Variants in PTPN20 observed in about 807,000 individuals in gnomAD.
PTPN20 encodes protein tyrosine phosphatase non-receptor type 20.
PTPN20 carries 9 observed loss-of-function variants against 35.0 expected under a neutral mutation model. The observed-to-expected ratio is 0.26, with a 90% CI of 0.15 to 0.45. The LOEUF is 0.45. Ranked by LOEUF, PTPN20 falls within the 20% of genes least tolerant of loss-of-function variation. The pLI, the probability that PTPN20 is intolerant of heterozygous loss-of-function variation, is 1.00. For missense variants in PTPN20, 111 were observed against 312.5 expected (o/e 0.36, Z 4.86); for synonymous variants, 32 against 100.2 (o/e 0.32, Z 4.06).
In PTPN20 at chr10:46,947,244, T is replaced by C. The variant is rs552859125; in HGVS notation, c.340+569T>C. On this transcript the variant is annotated intron_variant, in intron 5 of 10. Transcript: ENST00000374339. ...TATATATATATATATATTTATAAAA[T>C]TTGTGTTTGTAAACTTGGGGGATCA... 8.8e-3 allele frequency among the ~76,000 whole-genome samples: 1,233 copies of C among 140,336 alleles called. 14 individuals carry two copies. The highest frequency in any genetic ancestry group is 0.027 in the African/African-American group (1,057 of 39,056). The allele number at this position is 140,336 out of a possible 152,430, so 92.1% of individuals were successfully genotyped here. A position where few individuals can be genotyped will look rare whatever the true frequency, so the allele number is the denominator to read the frequency against.
At chr10:46,950,673 T>A (rs1299260447) in intron 5 of PTPN20, among the ~76,000 whole-genome samples, 1 of 151,988 alleles carries the variant, frequency 6.6e-6, no homozygotes, top group Non-Finnish European at 1.5e-5. Context: ...TAATGTATGC[T>A]AATATTTTAG....
At chr10:46,994,127 A>C (rs2058556177) in intron 9 of PTPN20, among the ~76,000 whole-genome samples, 1 of 151,600 alleles carries the variant, frequency 6.6e-6, no homozygotes, top group Admixed American at 6.6e-5. Context: ...AATTTATCCC[A>C]CTTCCTCCTG....
At chr10:46,948,331 G>A (rs2045630858) in intron 5 of PTPN20, among the ~76,000 whole-genome samples, 1 of 150,082 alleles carries the variant, frequency 6.7e-6, no homozygotes, top group Non-Finnish European at 1.5e-5. Context: ...ATGGGTTGTT[G>A]CTGATATTTT....
At chr10:46,925,733 C>T (rs1281108080) in intron 1 of PTPN20, among the ~76,000 whole-genome samples, 1 of 151,326 alleles carries the variant, frequency 6.6e-6, no homozygotes, top group Non-Finnish European at 1.5e-5. Flanking sequence ...TCAGTTCAGA[C>T]AAGAATATTA....
intron 7 of PTPN20, among the ~76,000 whole-genome samples, chr10:46,983,567 T>C (rs1473241712): frequency 2.2e-5 from 3 of 135,726 alleles, no homozygotes; most frequent in African/African-American, 8.7e-5. Context: ...GTTTTCCCTC[T>C]CATATTTGTT....
Position 47,001,096 on chromosome 10 carries a change from G to T in PTPN20, c.*355G>T, listed in dbSNP as rs975120166. The T allele has an allele frequency of 7.1e-5, 21 of 296,354 alleles. No homozygotes were observed. The highest frequency in any genetic ancestry group is 1.1e-4 in the Non-Finnish European group (18 of 156,858). 18.4% of individuals were successfully genotyped at this position (296,354 alleles called of 1,614,324 possible). ...TTTTATTTGGAAAGGTGGCTGGAGA[G>T]AGCTGAGGATTTCCAGGACTTTGTA... On this transcript the variant is annotated 3_prime_UTR_variant, in exon 11 of 11. Coordinates refer to ENST00000374339, the MANE Select transcript of PTPN20 (RefSeq NM_001042357.5).
intron 5 of PTPN20, among the ~76,000 whole-genome samples, chr10:46,959,771 A>C (rs1187695461): frequency 3.8e-5 from 5 of 131,612 alleles, no homozygotes; most frequent in Non-Finnish European, 6.5e-5. Context: ...AAAAAAAAAA[A>C]AACTGTGGAC....
At chr10:46,939,417 C>G (rs1328664869) in intron 2 of PTPN20, among the ~76,000 whole-genome samples, 11 of 126,754 alleles carry the variant, frequency 8.7e-5, no homozygotes, top group African/African-American at 3.1e-4. Context: ...TTGATCTTAG[C>G]CAAAAGGCCG....
intron 5 of PTPN20, among the ~76,000 whole-genome samples, chr10:46,964,453 T>C (rs879951891): frequency 0.092 from 8,832 of 96,170 alleles, 631 homozygotes; most frequent in African/African-American, 0.28. Context: ...AGTGTCCATA[T>C]GTATCCATTA....
intron 7 of PTPN20, among the ~76,000 whole-genome samples, chr10:46,977,132 TATTC>T (rs2053950711): frequency 6.6e-6 from 1 of 152,282 alleles, no homozygotes; most frequent in Admixed American, 6.5e-5. Context: ...GAGTGGGCCT[TATTC>T]AGTCAGTTGA....
chr10:46,938,955 G>A (rs1190860118), intron 2 of PTPN20, among the ~76,000 whole-genome samples: 1 of 151,506 alleles, frequency 6.6e-6, no homozygotes, highest in African/African-American at 2.4e-5. Context: ...TGTTTGTCAG[G>A]TGAGGCTGGA....
In PTPN20 at chr10:46,968,634, C is replaced by T. The variant is rs1250415188; in HGVS notation, c.583+587C>T. Among the ~76,000 whole-genome samples, 5 of 152,218 alleles carry T rather than the reference C, an allele frequency of 3.3e-5. No individual in the cohort carries two copies. In the East Asian group the frequency reaches 9.6e-4, roughly 29 times the overall value. On this transcript the variant is annotated intron_variant, in intron 7 of 10. Transcript: ENST00000374339. ...AGAGCAGAATCAAAACACAGCAATG[C>T]AATTTTAATCTTAGGCAGGATATCT...
chr10:46,953,254 A>AT (rs1164354394), intron 5 of PTPN20, among the ~76,000 whole-genome samples: 16 of 144,750 alleles, frequency 1.1e-4, no homozygotes, highest in African/African-American at 4.2e-4. Context: ...ATTTTTTGGA[A>AT]TTTTTTTAAG....
chr10:46,912,712 GT>G (rs1177638001), intron 1 of PTPN20, among the ~76,000 whole-genome samples: 2 of 81,792 alleles, frequency 2.4e-5, no homozygotes, highest in Non-Finnish European at 4.3e-5. Flanking sequence ...ATATGGCAAT[GT>G]GATTAAACTC....
intron 5 of PTPN20, among the ~76,000 whole-genome samples, chr10:46,948,804 C>T (rs2045785120): frequency 6.7e-6 from 1 of 149,796 alleles, no homozygotes; most frequent in African/African-American, 2.5e-5. Flanking sequence ...CCATTCTCAG[C>T]CTTGGGCAGG....
Position 46,953,347 on chromosome 10 carries a change from C to CTT in PTPN20, c.340+6674_340+6675dup, listed in dbSNP as rs1555148649. ...TGCCTTTCATTTCTTTTCTTTCTTTCTTTCTTTCTTTCTTTCTTTCTTTCT... is the reference window on the plus strand; with the variant it reads ...TGCCTTTCATTTCTTTTCTTTCTTTCTTTTTCTTTCTTTCTTTCTTTCTTTCT... On this transcript the variant is annotated intron_variant, in intron 5 of 10. Transcript: ENST00000374339. 7.3e-5 allele frequency among the ~76,000 whole-genome samples: 8 copies of CTT among 109,246 alleles called. No individual in the cohort carries two copies. The East Asian group carries it at 2.0e-3, about 27-fold the overall frequency. The allele number at this position is 109,246 out of a possible 152,430, so 71.7% of individuals were successfully genotyped here. A position where few individuals can be genotyped will look rare whatever the true frequency, so the allele number is the denominator to read the frequency against.
intron 9 of PTPN20, among the ~76,000 whole-genome samples, chr10:46,998,434 T>C (rs1324498180): frequency 4.6e-5 from 7 of 152,280 alleles, no homozygotes; most frequent in Non-Finnish European, 8.8e-5. Context: ...CTTCTTGAAA[T>C]AGCAAAAGCA....
intron 2 of PTPN20, among the ~76,000 whole-genome samples, chr10:46,936,064 C>G (rs1269093647): frequency 1.3e-5 from 2 of 152,190 alleles, no homozygotes; most frequent in African/African-American, 4.8e-5. Context: ...TGATATTGAG[C>G]ATTTTTTCAT....
rs993999168 is a variant in PTPN20 at position 46,993,056 on chromosome 10, A to G, written c.1134+5501A>G. ...TGGCACTGGATTTCACAGGCAGTGT[A>G]TACTGGAAGAGTTTGGGGTGTTGTA... On this transcript the variant is annotated intron_variant, in intron 9 of 10. Coordinates refer to ENST00000374339, the MANE Select transcript of PTPN20 (RefSeq NM_001042357.5). 8.5e-5 allele frequency among the ~76,000 whole-genome samples: 13 copies of G among 152,324 alleles called. No homozygotes were observed. The East Asian group carries it at 2.5e-3, about 29-fold the overall frequency.
Sources: gnomAD v4.1 joint callset for allele counts (sites outside exome capture counted in the v4.1 genomes callset) on GRCh38, gnomAD v4.1.1 for gene constraint, MANE v1.5 for transcripts, NCBI Gene and HGNC (gene_info 2026-07-23, HGNC 2026-07-21) for gene names.